The following IRAK4 variants were observed in gnomAD, a reference collection of about 807,000 sequenced individuals.
IRAK4 encodes the protein interleukin 1 receptor associated kinase 4.
Under a neutral mutation model 51.8 loss-of-function variants are expected in IRAK4, and 44 were observed. That is an observed-to-expected ratio of 0.85 (90% CI 0.67 to 1.09). IRAK4 has a LOEUF of 1.09. IRAK4 is among the 50% of genes least tolerant of loss of function. The pLI is 0.00. For synonymous variants in IRAK4, 149 were observed against 174.1 expected, an observed-to-expected ratio of 0.86 and a Z score of 1.13; for missense variants, 487 against 538.0, an observed-to-expected ratio of 0.91 and a Z score of 0.94.
chr12:43,758,987 C>T lies in IRAK4; in HGVS notation c.-39C>T, dbSNP rs1388323402. The T allele has an allele frequency of 2.0e-5, 3 of 152,540 alleles. No individual in the cohort carries two copies. The highest frequency in any genetic ancestry group is 3.9e-4 in the East Asian group (2 of 5,128). The allele number at this position is 152,540 out of a possible 1,614,324, so 9.4% of individuals were successfully genotyped here. A position where few individuals can be genotyped will look rare whatever the true frequency, so the allele number is the denominator to read the frequency against. ...TTCCTAGTTCGGCTGGTTCTTCTGTCGCCGGCTTCAGCAGCCCGCGCCCGG... is the reference window on the plus strand; with the variant it reads ...TTCCTAGTTCGGCTGGTTCTTCTGTTGCCGGCTTCAGCAGCCCGCGCCCGG... On this transcript the variant is annotated 5_prime_UTR_variant, in exon 1 of 12. Coordinates refer to ENST00000613694, the MANE Select transcript of IRAK4 (RefSeq NM_016123.4).
Position 43,771,225 on chromosome 12 carries a change from T to A in IRAK4, c.167T>A (p.Phe56Tyr). ...CTTTGTTACTTACTTTTAAGGAGATTTGAAGCATTACTTCAAACTGGAAAA... is the reference window on the plus strand; with the variant it reads ...CTTTGTTACTTACTTTTAAGGAGATATGAAGCATTACTTCAAACTGGAAAA... ...DRYNQFHIRR[F>Y]EALLQTGKSP... Residue 56 changes from phenylalanine (F) to tyrosine (Y), a missense_variant, in exon 3 of 12, where the codon TTT becomes TAT. Transcript: ENST00000613694. 6.2e-7 allele frequency: 1 copy of A among 1,613,728 alleles called. No individual in the cohort carries two copies. The highest frequency in any genetic ancestry group is 8.5e-7 in the Non-Finnish European group (1 of 1,179,716).
Position 43,777,661 on chromosome 12 carries a change from G to C in IRAK4, c.748G>C (p.Gly250Arg). 1.9e-6 allele frequency: 3 copies of C among 1,609,256 alleles called. No individual in the cohort carries two copies. Among genetic ancestry groups the C allele is most frequent in the Non-Finnish European group, 2.5e-6 (3 of 1,177,720 alleles). The change falls in exon 7 of 12, where the codon GGT (glycine) becomes CGT (arginine). Residue 250 changes from glycine (G) to arginine (R), a missense_variant. Transcript: ENST00000613694. The stretch of plus-strand genomic sequence containing the variant: ...ACATGAAAACTTAGTAGAACTACTT[G>C]GTTTCTCAAGTGATGGAGATGACCT... ...CQHENLVELL[G>R]FSSDGDDLCL...
At chr12:43,784,068 AG>A (rs1555170999) in intron 10 of IRAK4, among the ~76,000 whole-genome samples, 1 of 152,034 alleles carries the variant, frequency 6.6e-6, no homozygotes, top group African/African-American at 2.4e-5. Context: ...GCATTTTCAG[AG>A]GGGGGAAAAA....
intron 6 of IRAK4, among the ~76,000 whole-genome samples, chr12:43,776,383 T>C (rs1322454340): frequency 6.6e-6 from 1 of 152,218 alleles, no homozygotes; most frequent in Non-Finnish European, 1.5e-5. Context: ...TAACTACTCA[T>C]GTTTAAAATG....
intron 6 of IRAK4, among the ~76,000 whole-genome samples, chr12:43,775,172 C>A (rs1029584562): frequency 1.3e-5 from 2 of 152,092 alleles, no homozygotes; most frequent in African/African-American, 4.8e-5. Context: ...GATTTATGCA[C>A]GGTAAAAATG....
chr12:43,769,533 TC>T (rs1940528872), intron 2 of IRAK4, among the ~76,000 whole-genome samples: 1 of 152,034 alleles, frequency 6.6e-6, no homozygotes, highest in Admixed American at 6.6e-5. Context: ...ACGCCTGTAG[TC>T]CCAGCTACTT....
intron 1 of IRAK4, chr12:43,763,366 T>C (rs970120728): frequency 2.6e-5 from 4 of 152,206 alleles, no homozygotes; most frequent in Admixed American, 2.6e-4. Context: ...CAGAAGCAGA[T>C]ACAAGAATTC....
chr12:43,762,089 A>G (rs1241978809), intron 1 of IRAK4, among the ~76,000 whole-genome samples: 1 of 152,226 alleles, frequency 6.6e-6, no homozygotes, highest in African/African-American at 2.4e-5. Context: ...GAAAAGCAAA[A>G]TGAAAACAAA....
intron 2 of IRAK4, among the ~76,000 whole-genome samples, chr12:43,770,602 T>G (rs975908447): frequency 3.9e-5 from 6 of 152,194 alleles, no homozygotes; most frequent in Non-Finnish European, 1.5e-5. Context: ...TATCATCATC[T>G]TTGGCATCTT....
intron 10 of IRAK4, among the ~76,000 whole-genome samples, chr12:43,785,886 A>T (rs557459709): frequency 5.9e-5 from 9 of 152,208 alleles, no homozygotes; most frequent in African/African-American, 2.2e-4. Flanking sequence ...GTGTTTGTGT[A>T]TGTAAACATA....
chr12:43,773,103 G>C lies in IRAK4; in HGVS notation c.651+31G>C, dbSNP rs781600793. 1.0e-5 allele frequency: 16 copies of C among 1,597,802 alleles called. No individual in the cohort carries two copies. In the Middle Eastern group the frequency reaches 5.0e-4, roughly 50 times the overall value. ...TTATATTTTCAGGAATAAAAAGAAAGAGTTGCTTCATAGTGTGCCCTATAA... is the reference window on the plus strand; with the variant it reads ...TTATATTTTCAGGAATAAAAAGAAACAGTTGCTTCATAGTGTGCCCTATAA... On this transcript the variant is annotated intron_variant, in intron 5 of 11. Transcript: ENST00000613694.
At chr12:43,760,788 G>A (rs952908636) in intron 1 of IRAK4, 1 of 152,046 alleles carries the variant, frequency 6.6e-6, no homozygotes, top group Admixed American at 6.6e-5. Context: ...CATTTCACTT[G>A]GCACCATCTA....
Position 43,774,300 on chromosome 12 carries a change from A to G in IRAK4, c.716+271A>G, listed in dbSNP as rs1309845565. Among the ~76,000 whole-genome samples, 4 of 152,172 alleles carry G rather than the reference A, an allele frequency of 2.6e-5. No homozygotes were observed. In the East Asian group the frequency reaches 7.7e-4, roughly 29 times the overall value. On this transcript the variant is annotated intron_variant, in intron 6 of 11. Coordinates refer to ENST00000613694, the MANE Select transcript of IRAK4 (RefSeq NM_016123.4). The stretch of plus-strand genomic sequence containing the variant: ...CGCTCTTTTGCCCAAGCTGGAGTGC[A>G]GTGGCATGATCTCGGCTCACTGCAA...
intron 6 of IRAK4, among the ~76,000 whole-genome samples, chr12:43,775,497 TA>T (rs1941179939): frequency 6.6e-6 from 1 of 152,230 alleles, no homozygotes; most frequent in African/African-American, 2.4e-5. Context: ...CTAATATTTT[TA>T]TATACTTGCT....
At chr12:43,774,134 A>G in intron 6 of IRAK4, 105 bp downstream of exon 6, 2 of 770,750 alleles carry the variant, frequency 2.6e-6, no homozygotes, top group Non-Finnish European at 4.5e-6. Flanking sequence ...GTTTGCACAT[A>G]TATGAAATTA....
Position 43,782,434 on chromosome 12 carries a change from C to T in IRAK4, c.1069C>T (p.Pro357Ser). The change falls in exon 9 of 12, where the codon CCA becomes TCA. Residue 357 changes from proline (P) to serine (S), a missense_variant. By Grantham distance (74) the Pro-to-Ser change is moderately conservative. Coordinates refer to ENST00000613694, the MANE Select transcript of IRAK4 (RefSeq NM_016123.4). ...RIVGTTAYMA[P>S]EALRGEITPK... ...TGTGGGAACAACAGCTTATATGGCACCAGAAGCTTTGCGTGGAGAAATAAC... is the reference window on the plus strand; with the variant it reads ...TGTGGGAACAACAGCTTATATGGCATCAGAAGCTTTGCGTGGAGAAATAAC... 6.2e-7 allele frequency: 1 copy of T among 1,613,784 alleles called. No homozygotes were observed. Among genetic ancestry groups the T allele is most frequent in the Non-Finnish European group, 8.5e-7 (1 of 1,179,796 alleles).
rs1165151487 is a variant in IRAK4, at chr12:43,773,998, C to T, written c.685C>T (p.Gln229Ter). 2.5e-6 allele frequency: 4 copies of T among 1,609,718 alleles called. No homozygotes were observed. Among genetic ancestry groups the T allele is most frequent in the Non-Finnish European group, 8.5e-7 (1 of 1,177,250 alleles). ...VDITTEELKQQFDQEIKVMAK... is the reference protein window; with the variant it reads ...VDITTEELKQ The stretch of plus-strand genomic sequence containing the variant: ...CATTACTACTGAAGAACTGAAACAG[C>T]AGTTTGATCAAGAAATAAAAGTAAT... The change falls in exon 6 of 12, where the codon CAG becomes TAG. Residue 229 changes from glutamine (Q) to a stop codon, truncating the protein, a stop_gained. Transcript: ENST00000613694. LOFTEE classifies it high-confidence loss of function.
Position 43,788,236 on chromosome 12 carries a change from C to T in IRAK4, c.*1521C>T, listed in dbSNP as rs1942337339. The T allele has an allele frequency of 6.6e-6, 1 of 152,210 alleles. No homozygotes were observed. Among genetic ancestry groups the T allele is most frequent in the African/African-American group, 2.4e-5 (1 of 41,440 alleles). The allele number at this position is 152,210 out of a possible 1,614,324, so 9.4% of individuals were successfully genotyped here. ...ATGTGGAAATTATACAGAGCATGTA[C>T]AGCGGGAGGCTTATAGTGTACGTAC... On this transcript the variant is annotated 3_prime_UTR_variant, in exon 12 of 12. Coordinates refer to ENST00000613694, the MANE Select transcript of IRAK4 (RefSeq NM_016123.4).
intron 8 of IRAK4, 79 bp from the exon 9 acceptor site, chr12:43,782,228 G>C: frequency 1.2e-6 from 1 of 860,088 alleles, no homozygotes; most frequent in Non-Finnish European, 2.0e-6. Context: ...GCATACATAC[G>C]TACATCTAGC....
Sources: gnomAD v4.1 joint callset for allele counts (sites outside exome capture counted in the v4.1 genomes callset) on GRCh38, gnomAD v4.1.1 for gene constraint, MANE v1.5 for transcripts, NCBI Gene and HGNC (gene_info 2026-07-23, HGNC 2026-07-21) for gene names.